Variants in ICA1 observed in about 807,000 individuals in gnomAD.
ICA1 encodes the protein 69 kDa islet cell autoantigen.
Under a neutral mutation model 71.0 loss-of-function variants are expected in ICA1, and 40 were observed. The ratio of observed to expected loss-of-function variants is 0.56; its 90% CI spans 0.44 to 0.73. The LOEUF is 0.73. ICA1 is among the 30% of genes least tolerant of loss of function. The probability of loss-of-function intolerance (pLI) is 0.00; values close to 1 mark genes in which losing one functional copy is unlikely to be tolerated. For missense variants in ICA1, 578 were observed against 576.5 expected, an observed-to-expected ratio of 1.00 and a Z score of -0.03; for synonymous variants, 207 against 209.5, an observed-to-expected ratio of 0.99 and a Z score of 0.10.
intron 1 of ICA1, among the ~76,000 whole-genome samples, chr7:8,249,668 T>C (rs573503365): frequency 1.0e-3 from 158 of 152,390 alleles, no homozygotes; most frequent in Non-Finnish European, 1.8e-3. Context: ...TCCATTTTCC[T>C]GTTATTTCAG....
intron 10 of ICA1, among the ~76,000 whole-genome samples, chr7:8,141,311 C>A (rs1216415636): frequency 2.6e-5 from 4 of 152,178 alleles, no homozygotes; most frequent in Non-Finnish European, 5.9e-5. Flanking sequence ...GAGGCATCAG[C>A]TGGCAGGGCA....
At chr7:8,247,057 T>G (rs1226054533) in intron 1 of ICA1, among the ~76,000 whole-genome samples, 1 of 152,064 alleles carries the variant, frequency 6.6e-6, no homozygotes, top group African/African-American at 2.4e-5. Context: ...TTCCTTTTCA[T>G]ATATGCTTGC....
intron 12 of ICA1, among the ~76,000 whole-genome samples, chr7:8,131,870 T>C (rs1393532837): frequency 1.3e-5 from 2 of 152,238 alleles, no homozygotes; most frequent in Non-Finnish European, 2.9e-5. Context: ...AGAGATGTGA[T>C]AAGCTCTTTG....
At chr7:8,177,456 CT>C (rs554627423) in intron 6 of ICA1, among the ~76,000 whole-genome samples, 173 of 152,250 alleles carry the variant, frequency 1.1e-3, no homozygotes, top group African/African-American at 4.0e-3. Flanking sequence ...CCAGGGCACC[CT>C]TTTATCAATT....
At position 8,123,394 on chromosome 7, in the gene ICA1, G is replaced by A. The variant is rs1787764221; in HGVS notation, c.1330+4479C>T. Among the ~76,000 whole-genome samples, 1 of 152,078 alleles carries A rather than the reference G, an allele frequency of 6.6e-6. No homozygotes were observed. Among genetic ancestry groups the A allele is most frequent in the Non-Finnish European group, 1.5e-5 (1 of 68,024 alleles). ...AAGAGATGAAGGCGGAAGAGGAGGG[G>A]GAAATGTGGATTGTGAGAGGGGGTG... On this transcript the variant is annotated intron_variant, in intron 13 of 13. Transcript: ENST00000402384. This position sits in a 1 kb window ranked among gnomAD's most constrained non-coding sequence, Gnocchi z 4.1.
In ICA1 at chr7:8,177,065, A is replaced by G. The variant is rs891023345; in HGVS notation, c.580-18413T>C. On this transcript the variant is annotated intron_variant, in intron 6 of 13. Transcript: ENST00000402384. ...TCTTTCCTTATCACTTTGTTAATTT[A>G]TTACATGAAAATATTCTAATGCATA... 2.0e-5 allele frequency among the ~76,000 whole-genome samples: 3 copies of G among 152,324 alleles called. No homozygotes were observed. In the East Asian group the frequency reaches 5.8e-4, roughly 29 times the overall value.
intron 13 of ICA1, among the ~76,000 whole-genome samples, chr7:8,120,244 A>T (rs1786378019): frequency 1.3e-5 from 2 of 152,228 alleles, no homozygotes; most frequent in African/African-American, 4.8e-5. Flanking sequence ...AACAATTATT[A>T]AGCATCAGTC....
intron 6 of ICA1, among the ~76,000 whole-genome samples, chr7:8,196,362 G>C (rs1182325820): frequency 1.3e-5 from 2 of 152,210 alleles, no homozygotes; most frequent in African/African-American, 4.8e-5. Context: ...GAGATAGAAG[G>C]ATGAATAGGT....
intron 13 of ICA1, among the ~76,000 whole-genome samples, chr7:8,125,270 C>A (rs1207003838): frequency 6.6e-6 from 1 of 152,216 alleles, no homozygotes; most frequent in African/African-American, 2.4e-5. Context: ...AGCTATGAGT[C>A]CCTGTGTGGC....
intron 6 of ICA1, among the ~76,000 whole-genome samples, chr7:8,181,837 G>A (rs1471360574): frequency 2.6e-5 from 4 of 152,156 alleles, no homozygotes; most frequent in Non-Finnish European, 5.9e-5. Context: ...AATGCAAAAT[G>A]AATACATAAA....
At chr7:8,198,821 G>A (rs543945211) in intron 6 of ICA1, among the ~76,000 whole-genome samples, 11 of 152,282 alleles carry the variant, frequency 7.2e-5, no homozygotes, top group African/African-American at 2.6e-4. Context: ...ATGACCCACA[G>A]AATGGGAGAA....
rs566516077 is a variant in ICA1 at position 8,176,743 on chromosome 7, G to A, written c.580-18091C>T. Among the ~76,000 whole-genome samples the A allele has an allele frequency of 3.9e-5, 6 of 152,130 alleles. No individual in the cohort carries two copies. In the East Asian group the frequency reaches 5.8e-4, roughly 15 times the overall value. ...CAGGCTTTCTCAGATACCATCCCTC[G>A]TCCTTACCACCACCACCACCACTTA... is the stretch of plus-strand genomic sequence containing the variant. On this transcript the variant is annotated intron_variant, in intron 6 of 13. Coordinates refer to ENST00000402384, the MANE Select transcript of ICA1 (RefSeq NM_001136020.3).
chr7:8,260,741 T>C (rs544694170), intron 1 of ICA1, among the ~76,000 whole-genome samples: 1 of 152,248 alleles, frequency 6.6e-6, no homozygotes, highest in Non-Finnish European at 1.5e-5. Context: ...GACTGAAATC[T>C]AAAAATATAT....
intron 6 of ICA1, among the ~76,000 whole-genome samples, chr7:8,210,213 C>A (rs975001552): frequency 1.3e-5 from 2 of 152,082 alleles, no homozygotes; most frequent in African/African-American, 4.8e-5. Flanking sequence ...GGAACCAATT[C>A]AAGAGACACT....
chr7:8,220,898 C>T (rs767711367), intron 5 of ICA1, among the ~76,000 whole-genome samples: 5 of 151,970 alleles, frequency 3.3e-5, no homozygotes, highest in Non-Finnish European at 7.4e-5. Flanking sequence ...AGAGAGGGAA[C>T]CCTTCAACCT....
At chr7:8,163,044 A>G (rs565214579) in intron 6 of ICA1, among the ~76,000 whole-genome samples, 222 of 152,320 alleles carry the variant, frequency 1.5e-3, no homozygotes, top group Non-Finnish European at 2.4e-3. Flanking sequence ...GATTACAGCT[A>G]TGAGCCACTG....
At chr7:8,216,929 A>T (rs1795597813) in intron 6 of ICA1, among the ~76,000 whole-genome samples, 1 of 152,172 alleles carries the variant, frequency 6.6e-6, no homozygotes, top group South Asian at 2.1e-4. Flanking sequence ...CCTGCAGGCA[A>T]TTTTTTTCAC....
At chr7:8,215,355 A>C (rs10253859) in intron 6 of ICA1, among the ~76,000 whole-genome samples, 62,525 of 151,898 alleles carry the variant, frequency 0.41, 14,560 homozygotes, top group African/African-American at 0.65. Flanking sequence ...CCTTCTACCC[A>C]GCTCTTTCCT....
chr7:8,223,080 T>C lies in ICA1; in HGVS notation c.257-1682A>G, dbSNP rs28533680. Among the ~76,000 whole-genome samples the C allele has an allele frequency of 0.099, 15,062 of 152,230 alleles. 1,872 individuals carry two copies. Among genetic ancestry groups the C allele is most frequent in the African/African-American group, 0.3 (12,351 of 41,478 alleles). On this transcript the variant is annotated intron_variant, in intron 4 of 13. Transcript: ENST00000402384. This position sits in a 1 kb window ranked among gnomAD's most constrained non-coding sequence, Gnocchi z 4.1. ...ACTCACGCCATGGTTCTATGTAGCT[T>C]TTTAAAATTCCTATAATTATAAGAA...
Sources: gnomAD v4.1 joint callset for allele counts (sites outside exome capture counted in the v4.1 genomes callset) on GRCh38, gnomAD v4.1.1 for gene constraint, Gnocchi (gnomAD v3.1) non-coding constraint, MANE v1.5 for transcripts, NCBI Gene and HGNC (gene_info 2026-07-23, HGNC 2026-07-21) for gene names.